The following AAMDC variants were observed in gnomAD, a reference collection of about 807,000 sequenced individuals.
The protein encoded by AAMDC is adipogenesis associated Mth938 domain containing, also known as mth938 domain-containing protein.
A neutral mutation model predicts 15.5 loss-of-function variants in AAMDC; 16 were observed. The ratio of observed to expected loss-of-function variants is 1.03; its 90% CI spans 0.70 to 1.57. The LOEUF is 1.57. Ranked by LOEUF, AAMDC falls within the 40% of genes most tolerant of loss-of-function variation. The probability of loss-of-function intolerance (pLI) is 0.00; values close to 1 mark genes in which losing one functional copy is unlikely to be tolerated. For synonymous variants in AAMDC, 51 were observed against 51.6 expected (o/e 0.99, Z 0.05); for missense variants, 141 against 144.9 (o/e 0.97, Z 0.14).
chr11:77,842,658 A>G (rs769975168), intron 2 of AAMDC, 30 bp downstream of exon 2: 1 of 1,609,144 alleles, frequency 6.2e-7, no homozygotes, highest in South Asian at 1.1e-5. Context: ...TTGATACTAC[A>G]TGAGGCTGAC....
chr11:77,897,628 GTAGCTGGGAT>G (rs1277002626), intron 5 of AAMDC, among the ~76,000 whole-genome samples: 1 of 149,512 alleles, frequency 6.7e-6, no homozygotes, highest in Non-Finnish European at 1.5e-5. Flanking sequence ...AGCCTCCCGA[GTAGCTGGGAT>G]TACAGGCACC....
chr11:77,824,486 G>T (rs898220850), intron 1 of AAMDC, among the ~76,000 whole-genome samples: 3 of 152,050 alleles, frequency 2.0e-5, no homozygotes, highest in African/African-American at 7.2e-5. Context: ...ATACCAAAAA[G>T]TCAAAAACAA....
chr11:77,871,570 T>C (rs534747173), intron 3 of AAMDC, among the ~76,000 whole-genome samples: 1 of 152,300 alleles, frequency 6.6e-6, no homozygotes, highest in South Asian at 2.1e-4. Context: ...TGAGCTGCAG[T>C]GTACATACAT....
chr11:77,870,063 A>ATATTTTTATATTTTTATAT, intron 3 of AAMDC: 2 of 280,996 alleles, frequency 7.1e-6, no homozygotes. Flanking sequence ...AAGGATCACT[A>ATATTTTTATATTTTTATAT]TTTGGTCCTT....
chr11:77,884,974 A>G (rs2136366067), intron 5 of AAMDC: 1 of 195,392 alleles, frequency 5.1e-6, no homozygotes, highest in Middle Eastern at 2.4e-3. Flanking sequence ...TGCCCAGGCT[A>G]GTCTCCAACT....
rs1949976089 is a variant in AAMDC, at chr11:77,842,556, T to C, written c.60T>C (p.Asn20=). ...GGCAAATGAAAGTAAAAGGCTCTAA[T>C]ACAACCTATAAGGACTGCAAAGTAT... ...SWGQMKVKGS[N]TTYKDCKVWP... The change falls in exon 2 of 4, where the codon AAT becomes AAC. Residue 20 remains asparagine (N), a synonymous_variant. Coordinates refer to ENST00000393427, the MANE Select transcript of AAMDC (RefSeq NM_024684.4). The C allele has an allele frequency of 1.9e-6, 3 of 1,613,968 alleles. No individual in the cohort carries two copies. In the East Asian group the frequency reaches 6.7e-5, roughly 36 times the overall value.
intron 2 of AAMDC, among the ~76,000 whole-genome samples, chr11:77,845,282 C>G (rs1365610028): frequency 6.6e-6 from 1 of 151,960 alleles, no homozygotes; most frequent in African/African-American, 2.4e-5. Context: ...TATTCTTTGT[C>G]TTCATTTTTT....
intron 5 of AAMDC, among the ~76,000 whole-genome samples, chr11:77,888,727 A>G (rs1405841289): frequency 6.6e-6 from 1 of 152,226 alleles, no homozygotes; most frequent in African/African-American, 2.4e-5. Flanking sequence ...CAAATTTACA[A>G]GAAAAAAACA....
At chr11:77,832,951 A>ATATGTG (rs1392711636) in intron 1 of AAMDC, among the ~76,000 whole-genome samples, 3 of 68,416 alleles carry the variant, frequency 4.4e-5, no homozygotes, top group Non-Finnish European at 7.9e-5. Flanking sequence ...GTATATATAT[A>ATATGTG]TGTGTGTGTG....
chr11:77,830,460 A>C (rs909989188), intron 1 of AAMDC, among the ~76,000 whole-genome samples: 7 of 151,624 alleles, frequency 4.6e-5, no homozygotes, highest in African/African-American at 1.5e-4. Flanking sequence ...GCCGTGAATC[A>C]AACTGCTGAC....
chr11:77,861,415 AG>A (rs1026550627), intron 2 of AAMDC, among the ~76,000 whole-genome samples: 2 of 152,206 alleles, frequency 1.3e-5, no homozygotes, highest in African/African-American at 4.8e-5. Context: ...AGTAAGACTG[AG>A]AAGGCCGCGC....
chr11:77,891,310 C>A, intron 5 of AAMDC: 1 of 1,608,610 alleles, frequency 6.2e-7, no homozygotes, highest in Non-Finnish European at 8.5e-7. Flanking sequence ...GGACCCAAAC[C>A]CGACAGACCT....
intron 5 of AAMDC, among the ~76,000 whole-genome samples, chr11:77,900,100 CT>C (rs139576778): frequency 1.1e-3 from 161 of 147,230 alleles, no homozygotes; most frequent in Admixed American, 1.2e-3. Flanking sequence ...ATATGAATAT[CT>C]TTTTTTTTTT....
At chr11:77,894,124 T>A (rs979370943) in intron 5 of AAMDC, among the ~76,000 whole-genome samples, 17 of 152,064 alleles carry the variant, frequency 1.1e-4, no homozygotes, top group Non-Finnish European at 2.5e-4. Flanking sequence ...AAAACCAAAT[T>A]AGGTTCTTTT....
At chr11:77,880,349 G>C (rs1226139797) in intron 5 of AAMDC, among the ~76,000 whole-genome samples, 2 of 152,146 alleles carry the variant, frequency 1.3e-5, no homozygotes, top group African/African-American at 4.8e-5. Flanking sequence ...GAAGGGAAAG[G>C]TTTGCAGTCA....
At chr11:77,903,506 G>T (rs1328138347), downstream of AAMDC, 2 of 1,609,574 alleles carry the variant, frequency 1.2e-6, no homozygotes, top group South Asian at 2.2e-5. Context: ...ACTGGACAGA[G>T]ACCTATTTGA....
At chr11:77,882,965 G>C (rs981562381) in intron 5 of AAMDC, among the ~76,000 whole-genome samples, 1 of 151,958 alleles carries the variant, frequency 6.6e-6, no homozygotes, top group African/African-American at 2.4e-5. Context: ...CCAGCTACTC[G>C]GGAGGCTGAG....
downstream of AAMDC, among the ~76,000 whole-genome samples, chr11:77,874,873 C>T (rs1951554965): frequency 6.6e-6 from 1 of 152,092 alleles, no homozygotes; most frequent in African/African-American, 2.4e-5. Flanking sequence ...CCCATCTCTA[C>T]TAAAAATACA....
downstream of AAMDC, among the ~76,000 whole-genome samples, chr11:77,904,633 A>AT (rs1952886156): frequency 6.6e-6 from 1 of 152,230 alleles, no homozygotes; most frequent in Non-Finnish European, 1.5e-5. Flanking sequence ...TAAACTGTAG[A>AT]TAAAAACTAT....
Sources: allele counts gnomAD v4.1 joint callset (sites outside exome capture counted in the v4.1 genomes callset), GRCh38; gene constraint gnomAD v4.1.1; transcripts MANE v1.5; gene names NCBI Gene and HGNC (gene_info 2026-07-23, HGNC 2026-07-21).